The following SLC35F1 variants were observed in gnomAD, a reference collection of about 807,000 sequenced individuals.
SLC35F1 encodes chromosome 6 open reading frame 169.
Under a neutral mutation model 48.7 loss-of-function variants are expected in SLC35F1, and 14 were observed. The ratio of observed to expected loss-of-function variants is 0.29; its 90% CI spans 0.19 to 0.45. The LOEUF (loss-of-function observed/expected upper bound fraction) is 0.45, where lower values mean the gene tolerates loss of function less well. Ranked by LOEUF, SLC35F1 falls within the 20% of genes least tolerant of loss-of-function variation. The pLI is 1.00. For missense variants in SLC35F1, 404 were observed against 500.0 expected (o/e 0.81, Z 1.83); for synonymous variants, 190 against 202.2 (o/e 0.94, Z 0.51).
Position 117,921,053 on chromosome 6 carries a change from G to GACAC in SLC35F1, c.173+13189_173+13192dup, listed in dbSNP as rs60793418. Among the ~76,000 whole-genome samples, 290 of 149,496 alleles carry GACAC rather than the reference G, an allele frequency of 1.9e-3. 2 individuals are homozygous for GACAC. Among genetic ancestry groups the GACAC allele is most frequent in the East Asian group, 6.3e-3 (32 of 5,044 alleles). ...TTTATGCTTTGCTCTATTTCTCTTTGACACACACACACACACACACACACA... is the reference window on the plus strand; with the variant it reads ...TTTATGCTTTGCTCTATTTCTCTTTGACACACACACACACACACACACACACACA... On this transcript the variant is annotated intron_variant, in intron 1 of 7. Transcript: ENST00000360388.
At chr6:118,223,214 C>T (rs1775173550) in intron 2 of SLC35F1, among the ~76,000 whole-genome samples, 1 of 152,160 alleles carries the variant, frequency 6.6e-6, no homozygotes, top group African/African-American at 2.4e-5. Context: ...ATGGTGAATA[C>T]TTTATAATAA....
intron 1 of SLC35F1, among the ~76,000 whole-genome samples, chr6:117,998,286 T>C (rs1247859927): frequency 2.1e-5 from 3 of 144,944 alleles, no homozygotes; most frequent in Non-Finnish European, 4.5e-5. Flanking sequence ...AAGTCCTGAG[T>C]GACCTACAAA....
At chr6:118,015,481 T>C (rs1415210777) in intron 1 of SLC35F1, among the ~76,000 whole-genome samples, 1 of 151,950 alleles carries the variant, frequency 6.6e-6, no homozygotes, top group Non-Finnish European at 1.5e-5. Flanking sequence ...GTATCTGTTG[T>C]TCCCCTTTTT....
chr6:117,912,664 CTT>C (rs78365568), intron 1 of SLC35F1, among the ~76,000 whole-genome samples: 57,798 of 151,894 alleles, frequency 0.38, 13,033 homozygotes, highest in South Asian at 0.63. Context: ...TAAAAACAGA[CTT>C]TTCTAAGATC....
At chr6:117,947,047 A>G (rs1000572720) in intron 1 of SLC35F1, among the ~76,000 whole-genome samples, 2 of 152,208 alleles carry the variant, frequency 1.3e-5, no homozygotes, top group Admixed American at 6.5e-5. Flanking sequence ...TGTAAAATAT[A>G]TGGTATGGTA....
At chr6:118,151,825 C>A (rs1393815519) in intron 1 of SLC35F1, among the ~76,000 whole-genome samples, 1 of 152,068 alleles carries the variant, frequency 6.6e-6, no homozygotes, top group Non-Finnish European at 1.5e-5. Context: ...CCTTTAAAAT[C>A]GTTTGAGTTA....
At chr6:118,286,101 AC>A (rs772459368) in intron 7 of SLC35F1, among the ~76,000 whole-genome samples, 4 of 152,196 alleles carry the variant, frequency 2.6e-5, no homozygotes, top group Non-Finnish European at 4.4e-5. Context: ...CCATTCCTTA[AC>A]AAGTCCTGTA....
intron 1 of SLC35F1, among the ~76,000 whole-genome samples, chr6:117,973,453 G>A (rs955926972): frequency 2.6e-4 from 39 of 152,208 alleles, no homozygotes; most frequent in African/African-American, 8.4e-4. Context: ...CTGAAGGTTC[G>A]TAGACATTTT....
chr6:118,154,330 T>C (rs1774107713), intron 1 of SLC35F1, 115 bp from the exon 2 acceptor site: 1 of 823,022 alleles, frequency 1.2e-6, no homozygotes, highest in Admixed American at 2.8e-5. Flanking sequence ...AAGGGAATAA[T>C]ATTTAATTGC....
rs7772521 is a variant in SLC35F1 at position 118,201,798 on chromosome 6, G to A, written c.350-33711G>A. Reference sequence around the variant, plus strand: ...TTCCCCATTTCAAGGCCACTCTCCAGTCCAAGGCAACCACTAATCTGTCCA... The same window carrying A: ...TTCCCCATTTCAAGGCCACTCTCCAATCCAAGGCAACCACTAATCTGTCCA... On this transcript the variant is annotated intron_variant, in intron 2 of 7. Transcript: ENST00000360388. 3.0e-3 allele frequency among the ~76,000 whole-genome samples: 461 copies of A among 152,212 alleles called. 4 individuals are homozygous for A. The highest frequency in any genetic ancestry group is 0.01 in the African/African-American group (432 of 41,526).
chr6:118,290,376 G>A (rs894727204), intron 7 of SLC35F1, among the ~76,000 whole-genome samples: 1 of 151,892 alleles, frequency 6.6e-6, no homozygotes, highest in African/African-American at 2.4e-5. Context: ...ACCAATATTA[G>A]GACATAGACA....
At chr6:118,181,529 G>A (rs982709878) in intron 2 of SLC35F1, among the ~76,000 whole-genome samples, 99 of 152,192 alleles carry the variant, frequency 6.5e-4, no homozygotes, top group African/African-American at 2.3e-3. Flanking sequence ...GGGAAAATGT[G>A]CAGCAGAGAG....
At chr6:117,969,136 G>A (rs1562251310) in intron 1 of SLC35F1, among the ~76,000 whole-genome samples, 1 of 152,194 alleles carries the variant, frequency 6.6e-6, no homozygotes, top group Non-Finnish European at 1.5e-5. Context: ...AACTGAGAGA[G>A]ATGGTCCTTT....
chr6:118,107,152 A>C (rs991342134), intron 1 of SLC35F1, among the ~76,000 whole-genome samples: 3 of 152,204 alleles, frequency 2.0e-5, no homozygotes, highest in Admixed American at 6.5e-5. Context: ...GATACATGGT[A>C]GATGTACAAG....
intron 3 of SLC35F1, among the ~76,000 whole-genome samples, chr6:118,243,661 C>T (rs1775468948): frequency 6.6e-6 from 1 of 152,170 alleles, no homozygotes; most frequent in South Asian, 2.1e-4. Context: ...AGAAGTATGA[C>T]AGATGACAGA....
At chr6:118,150,878 T>A (rs780955215) in intron 1 of SLC35F1, among the ~76,000 whole-genome samples, 1 of 152,178 alleles carries the variant, frequency 6.6e-6, no homozygotes, top group Non-Finnish European at 1.5e-5. Flanking sequence ...TCAACATCTC[T>A]AATTTCTCAC....
At chr6:117,991,718 C>G (rs1466902884) in intron 1 of SLC35F1, among the ~76,000 whole-genome samples, 1 of 152,184 alleles carries the variant, frequency 6.6e-6, no homozygotes, top group Non-Finnish European at 1.5e-5. Flanking sequence ...GCAAGTCTGT[C>G]TCTTGGTACC....
intron 1 of SLC35F1, among the ~76,000 whole-genome samples, chr6:118,016,018 G>C (rs191305804): frequency 6.6e-6 from 1 of 152,142 alleles, no homozygotes; most frequent in Non-Finnish European, 1.5e-5. Context: ...CCCTGGAGAT[G>C]ATTTTATTTC....
intron 2 of SLC35F1, among the ~76,000 whole-genome samples, chr6:118,199,092 G>A (rs891269246): frequency 6.6e-6 from 1 of 152,206 alleles, no homozygotes; most frequent in Non-Finnish European, 1.5e-5. Context: ...ATTCTGCTCT[G>A]AGTTTTACAC....
Sources: allele counts gnomAD v4.1 joint callset (sites outside exome capture counted in the v4.1 genomes callset), GRCh38; gene constraint gnomAD v4.1.1; transcripts MANE v1.5; gene names NCBI Gene and HGNC (gene_info 2026-07-23, HGNC 2026-07-21).